The following CFAP299 variants were observed in gnomAD, a reference collection of about 807,000 sequenced individuals.
CFAP299 encodes cilia and flagella associated protein 299, also known as cilia- and flagella-associated protein 299.
In CFAP299, 21 loss-of-function variants were observed where a neutral mutation model predicts 27.0. The ratio of observed to expected loss-of-function variants is 0.78; its 90% confidence interval spans 0.55 to 1.12. The LOEUF is 1.12. Among genes scored for constraint, CFAP299 ranks in the 50% most tolerant of loss-of-function variants. CFAP299 has a pLI of 0.00. For synonymous variants in CFAP299, 104 were observed against 98.1 expected (o/e 1.06, Z -0.36); for missense variants, 310 against 276.6 (o/e 1.12, Z -0.86).
intron 3 of CFAP299, among the ~76,000 whole-genome samples, chr4:80,709,229 C>T (rs187283404): frequency 5.3e-5 from 8 of 151,982 alleles, no homozygotes; most frequent in South Asian, 4.1e-4. Context: ...CATGTTTTAC[C>T]TTTGTAAAGG....
chr4:80,747,245 G>T (rs1724670926), intron 3 of CFAP299, among the ~76,000 whole-genome samples: 1 of 152,020 alleles, frequency 6.6e-6, no homozygotes. Context: ...TCATTATGAA[G>T]TATTATGTAC....
intron 3 of CFAP299, among the ~76,000 whole-genome samples, chr4:80,605,499 C>T (rs1202636298): frequency 1.3e-5 from 2 of 152,122 alleles, no homozygotes; most frequent in Non-Finnish European, 2.9e-5. Flanking sequence ...ACAAAATGCT[C>T]TTACTGACTT....
At chr4:80,703,521 G>A (rs1212039384) in intron 3 of CFAP299, among the ~76,000 whole-genome samples, 2 of 151,582 alleles carry the variant, frequency 1.3e-5, no homozygotes, top group South Asian at 2.1e-4. Context: ...CAGAAGAGTA[G>A]CTGTGGTCTC....
intron 3 of CFAP299, among the ~76,000 whole-genome samples, chr4:80,780,788 T>G (rs1726827634): frequency 6.6e-6 from 1 of 151,918 alleles, no homozygotes; most frequent in South Asian, 2.1e-4. Context: ...ACATTATATA[T>G]TGACTGGGTA....
chr4:80,690,007 T>A (rs1268891445), intron 3 of CFAP299, among the ~76,000 whole-genome samples: 1 of 148,938 alleles, frequency 6.7e-6, no homozygotes, highest in Non-Finnish European at 1.5e-5. Flanking sequence ...CCTAAATATA[T>A]ATGCACCCAA....
rs532005250 is a variant in CFAP299 at position 80,814,007 on chromosome 4, G to A, written c.334-55986G>A. 5.3e-5 allele frequency among the ~76,000 whole-genome samples: 8 copies of A among 151,972 alleles called. No individual in the cohort carries two copies. The South Asian group carries it at 6.2e-4, about 12-fold the overall frequency. On this transcript the variant is annotated intron_variant, in intron 3 of 5. Transcript: ENST00000358105. ...ATAAATTATGTTTTAAAGAGTTAAC[G>A]TATATTATTCTACATCTTCCAACCT... is the stretch of plus-strand genomic sequence containing the variant.
At chr4:80,479,338 G>T (rs1185414165) in intron 2 of CFAP299, among the ~76,000 whole-genome samples, 2 of 151,896 alleles carry the variant, frequency 1.3e-5, no homozygotes, top group African/African-American at 4.8e-5. Flanking sequence ...AAATTTGGAG[G>T]TATCTCTTTC....
chr4:80,703,323 A>G (rs1291460330), intron 3 of CFAP299, among the ~76,000 whole-genome samples: 1 of 151,750 alleles, frequency 6.6e-6, no homozygotes, highest in Non-Finnish European at 1.5e-5. Flanking sequence ...AAAGACAATG[A>G]TGTGCTAATA....
chr4:80,916,888 C>CA (rs200186083), intron 4 of CFAP299, among the ~76,000 whole-genome samples: 71 of 148,146 alleles, frequency 4.8e-4, no homozygotes, highest in African/African-American at 1.5e-3. Context: ...TCCATGTCTT[C>CA]AAAAAAAAAG....
At chr4:80,655,659 T>C (rs1379129143) in intron 3 of CFAP299, among the ~76,000 whole-genome samples, 1 of 152,124 alleles carries the variant, frequency 6.6e-6, no homozygotes, top group Non-Finnish European at 1.5e-5. Flanking sequence ...TTTGAAACAG[T>C]GAGTAGACAC....
At chr4:80,724,663 C>T (rs1231560407) in intron 3 of CFAP299, among the ~76,000 whole-genome samples, 1 of 151,872 alleles carries the variant, frequency 6.6e-6, no homozygotes, top group Non-Finnish European at 1.5e-5. Flanking sequence ...CACACTATAT[C>T]CCCTTATTTC....
chr4:80,625,289 G>A (rs1238140278), intron 3 of CFAP299, among the ~76,000 whole-genome samples: 3 of 152,002 alleles, frequency 2.0e-5, no homozygotes, highest in Non-Finnish European at 2.9e-5. Flanking sequence ...GTGTATGTGT[G>A]TGTATGTTAT....
At chr4:80,693,002 A>G (rs537580264) in intron 3 of CFAP299, among the ~76,000 whole-genome samples, 1 of 152,274 alleles carries the variant, frequency 6.6e-6, no homozygotes, top group South Asian at 2.1e-4. Flanking sequence ...ATGAGATACC[A>G]TCTCACACGA....
chr4:80,925,264 G>T (rs1228483527), intron 4 of CFAP299, among the ~76,000 whole-genome samples: 1 of 151,774 alleles, frequency 6.6e-6, no homozygotes, highest in African/African-American at 2.4e-5. Flanking sequence ...TATTCTTGCT[G>T]TATCTTCCTA....
In CFAP299 at chr4:80,771,418, G is replaced by A. The variant is rs111449103; in HGVS notation, c.334-98575G>A. Among the ~76,000 whole-genome samples, 1,239 of 152,196 alleles carry A rather than the reference G, an allele frequency of 8.1e-3. 16 individuals are homozygous for A. The highest frequency in any genetic ancestry group is 0.028 in the African/African-American group (1,149 of 41,522). On this transcript the variant is annotated intron_variant, in intron 3 of 5. Transcript: ENST00000358105. ...TAGATATTAATTACAATGCTCGATG[G>A]TAAAATTAATGTAGCTAAATTTTTC... is the stretch of plus-strand genomic sequence containing the variant.
chr4:80,578,644 A>G (rs1484074826), intron 2 of CFAP299, among the ~76,000 whole-genome samples: 4 of 152,188 alleles, frequency 2.6e-5, no homozygotes, highest in Non-Finnish European at 1.5e-5. Context: ...TTAATGATAC[A>G]GTATGATTGC....
At chr4:80,861,353 T>C (rs1732342839) in intron 3 of CFAP299, among the ~76,000 whole-genome samples, 2 of 152,322 alleles carry the variant, frequency 1.3e-5, no homozygotes, top group South Asian at 4.1e-4. Context: ...CCCTGACCCC[T>C]TGCGCTTCCC....
At chr4:80,638,097 T>C (rs1161484868) in intron 3 of CFAP299, among the ~76,000 whole-genome samples, 1 of 152,192 alleles carries the variant, frequency 6.6e-6, no homozygotes, top group Non-Finnish European at 1.5e-5. Flanking sequence ...TCCTTTTTTA[T>C]TGACAGATGA....
intron 2 of CFAP299, among the ~76,000 whole-genome samples, chr4:80,562,497 G>C (rs1305638120): frequency 6.6e-6 from 1 of 150,492 alleles, no homozygotes; most frequent in Non-Finnish European, 1.5e-5. Context: ...ACAAAGATTA[G>C]AGCCTTTGTT....
Sources: gnomAD v4.1 joint callset for allele counts (sites outside exome capture counted in the v4.1 genomes callset) on GRCh38, gnomAD v4.1.1 for gene constraint, MANE v1.5 for transcripts, NCBI Gene and HGNC (gene_info 2026-07-23, HGNC 2026-07-21) for gene names.